The following TACC2 variants were observed in gnomAD, a reference collection of about 807,000 sequenced individuals.
TACC2 encodes the protein transforming acidic coiled-coil containing protein 2, also known as transforming acidic coiled-coil-containing protein 2.
TACC2 carries 137 observed loss-of-function variants against 227.3 expected under a neutral mutation model. The observed-to-expected ratio is 0.60, with a 90% CI of 0.52 to 0.69. The LOEUF (loss-of-function observed/expected upper bound fraction) is 0.69. Ranked by LOEUF, TACC2 falls within the 30% of genes least tolerant of loss-of-function variation. The pLI is 0.00. For missense variants in TACC2, 3,470 were observed against 3,694.4 expected, an observed-to-expected ratio of 0.94 and a Z score of 1.57; for synonymous variants, 1,523 against 1,487.5, an observed-to-expected ratio of 1.02 and a Z score of -0.55.
At chr10:122,217,230 T>C (rs2095423691) in intron 11 of TACC2, among the ~76,000 whole-genome samples, 1 of 151,986 alleles carries the variant, frequency 6.6e-6, no homozygotes, top group Non-Finnish European at 1.5e-5. Flanking sequence ...GTGCCACCGT[T>C]ATTCCTAGGC....
chr10:122,107,306 G>A (rs1329030051), intron 5 of TACC2, among the ~76,000 whole-genome samples: 5 of 151,854 alleles, frequency 3.3e-5, no homozygotes, highest in Admixed American at 6.6e-5. Context: ...AGGCCGAGGC[G>A]CGTGGATCAC....
intron 5 of TACC2, among the ~76,000 whole-genome samples, chr10:122,129,567 CTT>C (rs1017106458): frequency 6.6e-6 from 1 of 152,096 alleles, no homozygotes; most frequent in African/African-American, 2.4e-5. Flanking sequence ...GAAACGAAGT[CTT>C]TTATGGTTTT....
rs374823698 is a variant in TACC2 at position 122,254,102 on chromosome 10, C to T, written c.*46C>T. The T allele has an allele frequency of 3.6e-5, 53 of 1,476,036 alleles. No homozygotes were observed. In the African/African-American group the frequency reaches 3.6e-4, roughly 10 times the overall value. The allele number at this position is 1,476,036 out of a possible 1,614,324, so 91.4% of individuals were successfully genotyped here. ...ACTTAACTGTTGCGTGCAATATGACCGTCGGCACACTGCTGTTCCTCCAGT... is the reference window on the plus strand; with the variant it reads ...ACTTAACTGTTGCGTGCAATATGACTGTCGGCACACTGCTGTTCCTCCAGT... On this transcript the variant is annotated 3_prime_UTR_variant, in exon 23 of 23. Coordinates refer to ENST00000369005, the MANE Select transcript of TACC2 (RefSeq NM_206862.4).
chr10:122,205,753 T>C lies in TACC2; in HGVS notation c.5972-4644T>C, dbSNP rs1423473770. Among the ~76,000 whole-genome samples, 3 of 152,040 alleles carry C rather than the reference T, an allele frequency of 2.0e-5. No homozygotes were observed. The highest frequency in any genetic ancestry group is 4.4e-5 in the Non-Finnish European group (3 of 68,008). On this transcript the variant is annotated intron_variant, in intron 8 of 22. Transcript: ENST00000369005. This position sits in a 1 kb window ranked among gnomAD's most constrained non-coding sequence, Gnocchi z 4.5. Reference sequence around the variant, plus strand: ...AGGCGGAGTCTGGGGTTTTAATGAGTGTCTCAGGTGTGTCTTAGGCTAGAC... The same window carrying C: ...AGGCGGAGTCTGGGGTTTTAATGAGCGTCTCAGGTGTGTCTTAGGCTAGAC...
chr10:122,195,748 C>T (rs1399425280), intron 8 of TACC2, among the ~76,000 whole-genome samples: 13 of 152,086 alleles, frequency 8.5e-5, no homozygotes, highest in Admixed American at 8.5e-4. Flanking sequence ...CTCGTCCCCA[C>T]CCCACCCCTG....
intron 22 of TACC2, among the ~76,000 whole-genome samples, chr10:122,250,987 A>G (rs1230942886): frequency 7.9e-6 from 1 of 125,870 alleles, no homozygotes; most frequent in Non-Finnish European, 1.5e-5. Flanking sequence ...TGGTGCAGTC[A>G]TGGCTCACTG....
At chr10:122,145,309 C>G (rs1005944002) in intron 7 of TACC2, among the ~76,000 whole-genome samples, 2 of 152,160 alleles carry the variant, frequency 1.3e-5, no homozygotes, top group Non-Finnish European at 2.9e-5. Context: ...TGTGGTATAT[C>G]TATGCCAAGG....
At chr10:122,142,539 T>C (rs145660103) in intron 6 of TACC2, among the ~76,000 whole-genome samples, 1 of 152,176 alleles carries the variant, frequency 6.6e-6, no homozygotes, top group Non-Finnish European at 1.5e-5. Context: ...CAGGTGGACC[T>C]CGAAGAGATG....
intron 5 of TACC2, among the ~76,000 whole-genome samples, chr10:122,121,320 G>C (rs1441149581): frequency 6.6e-6 from 1 of 152,170 alleles, no homozygotes; most frequent in Non-Finnish European, 1.5e-5. Flanking sequence ...TCGCATGACT[G>C]GTCACAAGGC....
intron 8 of TACC2, among the ~76,000 whole-genome samples, chr10:122,199,368 A>C (rs1208457571): frequency 6.6e-6 from 1 of 152,256 alleles, no homozygotes; most frequent in Admixed American, 6.5e-5. Context: ...CAGAGCACAC[A>C]GTGGCTTCCC....
Position 122,103,142 on chromosome 10 carries a change from G to A in TACC2, c.5573+14551G>A, listed in dbSNP as rs562789297. On this transcript the variant is annotated intron_variant, in intron 5 of 22. Coordinates refer to ENST00000369005, the MANE Select transcript of TACC2 (RefSeq NM_206862.4). ...TTCCTCAGAGTTCACCAGTGAAATG[G>A]ATCTTATGAGTGTGAGGGCTGAATT... Among the ~76,000 whole-genome samples, 46 of 151,798 alleles carry A rather than the reference G, an allele frequency of 3.0e-4. 2 individuals are homozygous for A. The highest frequency in any genetic ancestry group is 2.6e-4 in the Admixed American group (4 of 15,178).
At position 122,248,800 on chromosome 10, in the gene TACC2, C is replaced by T. The variant is rs749892480; in HGVS notation, c.8550C>T (p.Arg2850=). 1 of 1,614,014 alleles carries T rather than the reference C, an allele frequency of 6.2e-7. No individual in the cohort carries two copies. Among genetic ancestry groups the T allele is most frequent in the South Asian group, 1.1e-5 (1 of 91,068 alleles). ...TGAAGGAGGTCCTAGAAGGCTTCCG[C>T]AAGGTAGGGCTGAGTTTGGGGGCCA... The part of the protein sequence containing the change: ...EKMKEVLEGF[R]KNEEVLKRCA... The change falls in exon 20 of 23, where the codon CGC becomes CGT. Residue 2850 remains arginine (R), a synonymous_variant. Transcript: ENST00000369005.
intron 8 of TACC2, among the ~76,000 whole-genome samples, chr10:122,208,961 G>A (rs965268924): frequency 2.0e-5 from 3 of 152,260 alleles, no homozygotes; most frequent in African/African-American, 7.2e-5. Context: ...AGATGCCGCT[G>A]GGTGCCAGCA....
chr10:122,005,606 G>A lies in TACC2; in HGVS notation c.-46+16118G>A, dbSNP rs191822878. On this transcript the variant is annotated intron_variant, in intron 1 of 22. Coordinates refer to ENST00000369005, the MANE Select transcript of TACC2 (RefSeq NM_206862.4). ...TCACCATGTTAGCCAGAATGGTCTCGATCTCCTGACCTTGTGATCCACCCA... is the reference window on the plus strand; with the variant it reads ...TCACCATGTTAGCCAGAATGGTCTCAATCTCCTGACCTTGTGATCCACCCA... Among the ~76,000 whole-genome samples the A allele has an allele frequency of 8.8e-5, 13 of 147,576 alleles. No homozygotes were observed. In the South Asian group the frequency reaches 2.0e-3, roughly 22 times the overall value.
intron 2 of TACC2, among the ~76,000 whole-genome samples, chr10:122,036,909 A>G (rs1009406131): frequency 6.6e-6 from 1 of 152,196 alleles, no homozygotes; most frequent in African/African-American, 2.4e-5. Context: ...CAATATACTA[A>G]TGTTCCAATT....
chr10:122,038,404 G>C (rs895534757), intron 2 of TACC2, among the ~76,000 whole-genome samples: 1 of 152,216 alleles, frequency 6.6e-6, no homozygotes, highest in Non-Finnish European at 1.5e-5. Context: ...TTTGCTTTTG[G>C]GGCAGAAAGC....
At chr10:122,121,802 G>T (rs556445259) in intron 5 of TACC2, among the ~76,000 whole-genome samples, 2 of 152,166 alleles carry the variant, frequency 1.3e-5, no homozygotes, top group Admixed American at 1.3e-4. Context: ...CTGCCCTGTT[G>T]TTGGTGGTCA....
intron 5 of TACC2, among the ~76,000 whole-genome samples, chr10:122,131,648 G>A (rs995483479): frequency 4.6e-5 from 7 of 152,168 alleles, no homozygotes; most frequent in African/African-American, 1.7e-4. Flanking sequence ...CTTTGTCTTG[G>A]GGACTGTCCT....
At chr10:122,048,444 C>CCTCA (rs1370609746) in intron 2 of TACC2, among the ~76,000 whole-genome samples, 1 of 140,344 alleles carries the variant, frequency 7.1e-6, no homozygotes, top group Non-Finnish European at 1.6e-5. Context: ...TTCCTCCCTC[C>CCTCA]CTCCCTCCCT....
Sources: gnomAD v4.1 joint callset for allele counts (sites outside exome capture counted in the v4.1 genomes callset) on GRCh38, gnomAD v4.1.1 for gene constraint, Gnocchi (gnomAD v3.1) non-coding constraint, MANE v1.5 for transcripts, NCBI Gene and HGNC (gene_info 2026-07-23, HGNC 2026-07-21) for gene names.